The following KIRREL1 variants were observed in gnomAD, a reference collection of about 807,000 sequenced individuals.
KIRREL1 encodes kin of IRRE-like protein 1.
In KIRREL1, 25 loss-of-function variants were observed where a neutral mutation model predicts 83.3. The ratio of observed to expected loss-of-function variants is 0.30; its 90% CI spans 0.22 to 0.42. The LOEUF (loss-of-function observed/expected upper bound fraction) is 0.42, where lower values mean the gene tolerates loss of function less well. Among genes scored for constraint, KIRREL1 ranks in the 10% least tolerant of loss-of-function variants. The pLI, the probability that KIRREL1 is intolerant of heterozygous loss-of-function variation, is 1.00. For missense variants in KIRREL1, 812 were observed against 1,032.3 expected, an observed-to-expected ratio of 0.79 and a Z score of 2.92; for synonymous variants, 388 against 410.4, an observed-to-expected ratio of 0.95 and a Z score of 0.66.
chr1:157,997,131 G>A (rs754536866), intron 1 of KIRREL1, among the ~76,000 whole-genome samples: 4 of 152,166 alleles, frequency 2.6e-5, no homozygotes, highest in East Asian at 1.9e-4. Flanking sequence ...TTTGATGAGC[G>A]CGCTGCAGTG....
chr1:158,005,313 G>A (rs1571528464), intron 1 of KIRREL1, among the ~76,000 whole-genome samples: 1 of 152,302 alleles, frequency 6.6e-6, no homozygotes, highest in Non-Finnish European at 1.5e-5. Context: ...GCATTGATAT[G>A]TTTGTTTTCA....
intron 1 of KIRREL1, among the ~76,000 whole-genome samples, chr1:158,070,254 G>A (rs1299928071): frequency 6.6e-6 from 1 of 152,198 alleles, no homozygotes; most frequent in African/African-American, 2.4e-5. Context: ...CGTCCATTCT[G>A]GAGAGACACC....
intron 1 of KIRREL1, among the ~76,000 whole-genome samples, chr1:157,997,550 T>A (rs1459841154): frequency 1.3e-5 from 2 of 152,086 alleles, no homozygotes; most frequent in Non-Finnish European, 2.9e-5. Context: ...CTTCTTTGTA[T>A]CTCTCATGGA....
intron 3 of KIRREL1, among the ~76,000 whole-genome samples, chr1:158,082,649 T>C (rs1202138928): frequency 6.6e-6 from 1 of 152,152 alleles, no homozygotes; most frequent in Non-Finnish European, 1.5e-5. Context: ...GGGTCTTTCT[T>C]GTCTTTCCCA....
intron 1 of KIRREL1, among the ~76,000 whole-genome samples, chr1:158,039,563 G>A (rs967011809): frequency 1.3e-5 from 2 of 152,130 alleles, no homozygotes; most frequent in South Asian, 2.1e-4. Context: ...TCACATTACC[G>A]TATGTCTAGA....
At chr1:157,997,740 C>T (rs1659245269) in intron 1 of KIRREL1, among the ~76,000 whole-genome samples, 1 of 152,184 alleles carries the variant, frequency 6.6e-6, no homozygotes, top group Non-Finnish European at 1.5e-5. Flanking sequence ...GAGGTGGCAG[C>T]ATTTCAGAGT....
chr1:158,043,155 C>A (rs533352563), intron 1 of KIRREL1, among the ~76,000 whole-genome samples: 2 of 151,162 alleles, frequency 1.3e-5, no homozygotes, highest in South Asian at 2.1e-4. Flanking sequence ...ACACCTACTG[C>A]GAGGAAGCAG....
intron 1 of KIRREL1, among the ~76,000 whole-genome samples, chr1:158,032,069 A>G (rs1185848416): frequency 1.3e-5 from 2 of 148,222 alleles, no homozygotes; most frequent in East Asian, 4.0e-4. Context: ...ACAGAGCCAG[A>G]TCCTATAAAT....
At chr1:157,998,017 C>A (rs995179956) in intron 1 of KIRREL1, among the ~76,000 whole-genome samples, 4 of 152,098 alleles carry the variant, frequency 2.6e-5, no homozygotes, top group African/African-American at 7.2e-5. Context: ...TAGCTAGGAC[C>A]ACACACACCT....
intron 1 of KIRREL1, among the ~76,000 whole-genome samples, chr1:158,039,077 G>A (rs573082726): frequency 7.2e-5 from 11 of 152,290 alleles, no homozygotes; most frequent in Non-Finnish European, 1.3e-4. Flanking sequence ...GGAGACTTCT[G>A]ATTGAGAGGA....
chr1:158,061,886 G>A (rs1661223197), intron 1 of KIRREL1, among the ~76,000 whole-genome samples: 1 of 152,162 alleles, frequency 6.6e-6, no homozygotes, highest in Non-Finnish European at 1.5e-5. Flanking sequence ...GCTGTGGATG[G>A]ATGTAGGTCT....
chr1:157,994,621 G>C (rs1336213719), intron 1 of KIRREL1, among the ~76,000 whole-genome samples: 1 of 152,010 alleles, frequency 6.6e-6, no homozygotes, highest in Admixed American at 6.6e-5. Context: ...AGCAGGGACT[G>C]GGGTCTGTGG....
intron 1 of KIRREL1, among the ~76,000 whole-genome samples, chr1:158,012,689 C>G (rs1053073860): frequency 1.3e-5 from 2 of 152,188 alleles, no homozygotes; most frequent in Admixed American, 1.3e-4. Context: ...CTGTTTTGCC[C>G]CTCACTGGGA....
At chr1:158,027,369 G>A (rs1032469377) in intron 1 of KIRREL1, among the ~76,000 whole-genome samples, 7 of 152,286 alleles carry the variant, frequency 4.6e-5, no homozygotes, top group Admixed American at 3.9e-4. Context: ...GGAAGATCTC[G>A]GAATCCTGTC....
intron 1 of KIRREL1, among the ~76,000 whole-genome samples, chr1:158,029,445 T>C (rs544802809): frequency 6.6e-6 from 1 of 152,140 alleles, no homozygotes; most frequent in East Asian, 1.9e-4. Flanking sequence ...ATGTATAATT[T>C]TAAAATATTA....
At chr1:158,084,277 G>A (rs1661954449) in intron 3 of KIRREL1, 145 bp from the exon 4 acceptor site, 2 of 675,174 alleles carry the variant, frequency 3.0e-6, no homozygotes, top group Non-Finnish European at 2.5e-6. Context: ...AATGAAGACA[G>A]TGGTTGTAGA....
At chr1:158,073,795 A>G (rs1661589326) in intron 1 of KIRREL1, among the ~76,000 whole-genome samples, 1 of 152,164 alleles carries the variant, frequency 6.6e-6, no homozygotes, top group Non-Finnish European at 1.5e-5. Flanking sequence ...TCCCATCTCC[A>G]TCTTGCCGCA....
chr1:158,093,924 C>T (rs1322664936), intron 13 of KIRREL1, among the ~76,000 whole-genome samples, 162 bp downstream of exon 13: 7 of 152,218 alleles, frequency 4.6e-5, no homozygotes, highest in South Asian at 4.1e-4. Flanking sequence ...CTCTCACACA[C>T]GCCCCAGGCT....
chr1:158,054,212 C>CAA (rs57034495), intron 1 of KIRREL1, among the ~76,000 whole-genome samples: 1,210 of 84,908 alleles, frequency 0.014, 15 homozygotes, highest in Non-Finnish European at 0.019. Context: ...GACTCCATCT[C>CAA]AAAAAAAAAA....
Sources: gnomAD v4.1 joint callset for allele counts (sites outside exome capture counted in the v4.1 genomes callset) on GRCh38, gnomAD v4.1.1 for gene constraint, MANE v1.5 for transcripts, NCBI Gene and HGNC (gene_info 2026-07-23, HGNC 2026-07-21) for gene names.